PIGL: variants seen among roughly 807,000 people sequenced by gnomAD.
The protein encoded by PIGL is phosphatidylinositol glycan anchor biosynthesis class L.
In PIGL, 22 loss-of-function variants were observed where a neutral mutation model predicts 31.1. The ratio of observed to expected loss-of-function variants is 0.71; its 90% CI spans 0.51 to 1.01. PIGL has a LOEUF of 1.01. Ranked by LOEUF, PIGL falls within the 50% of genes least tolerant of loss-of-function variation. The pLI is 0.00. For missense variants in PIGL, 302 were observed against 315.9 expected, an observed-to-expected ratio of 0.96 and a Z score of 0.33; for synonymous variants, 131 against 117.4, an observed-to-expected ratio of 1.12 and a Z score of -0.75.
intron 2 of PIGL, among the ~76,000 whole-genome samples, chr17:16,271,428 T>TA (rs2092871752): frequency 6.6e-6 from 1 of 152,232 alleles, no homozygotes; most frequent in African/African-American, 2.4e-5. Context: ...AATAGGTACG[T>TA]ACCCTAAATA....
intron 1 of PIGL, among the ~76,000 whole-genome samples, chr17:16,233,030 C>T (rs912558432): frequency 6.6e-6 from 1 of 151,624 alleles, no homozygotes; most frequent in African/African-American, 2.4e-5. Context: ...AGGAGAATCG[C>T]TTGAACTCTG....
intron 6 of PIGL, among the ~76,000 whole-genome samples, chr17:16,321,626 T>C (rs2093106279): frequency 6.6e-6 from 1 of 152,144 alleles, no homozygotes; most frequent in African/African-American, 2.4e-5. Flanking sequence ...TGAGCACATA[T>C]TAATTATCTT....
At chr17:16,292,181 C>T (rs1451956104) in intron 2 of PIGL, among the ~76,000 whole-genome samples, 2 of 151,322 alleles carry the variant, frequency 1.3e-5, no homozygotes, top group African/African-American at 4.9e-5. Flanking sequence ...ATTACAGGCA[C>T]GCACCACCAC....
chr17:16,316,620 C>T (rs986098875), intron 4 of PIGL, 61 bp from the exon 5 acceptor site: 39 of 1,523,026 alleles, frequency 2.6e-5, no homozygotes, highest in Non-Finnish European at 3.4e-5. Context: ...GAAGGCCCCT[C>T]CTGTTACCTA....
intron 2 of PIGL, among the ~76,000 whole-genome samples, chr17:16,265,357 GACTCCTGTGGGTGTTA>G (rs1429718744): frequency 6.6e-6 from 1 of 152,204 alleles, no homozygotes; most frequent in African/African-American, 2.4e-5. Flanking sequence ...TAGGGCTGGA[GACTCCTGTGGGTGTTA>G]ACATGATGAC....
intron 4 of PIGL, 67 bp downstream of exon 4, chr17:16,313,681 G>A (rs1359820695): frequency 1.6e-6 from 2 of 1,252,120 alleles, no homozygotes; most frequent in Non-Finnish European, 2.3e-6. Context: ...ATGGTTTAAA[G>A]TCTAAAGCAC....
chr17:16,321,752 C>G (rs2093106882), intron 6 of PIGL, among the ~76,000 whole-genome samples: 1 of 151,748 alleles, frequency 6.6e-6, no homozygotes, highest in South Asian at 2.1e-4. Context: ...TTCTGTCTGT[C>G]TGTCTGTCTT....
intron 5 of PIGL, 102 bp downstream of exon 5, chr17:16,316,814 C>T: frequency 6.4e-7 from 1 of 1,561,610 alleles, no homozygotes; most frequent in Non-Finnish European, 8.7e-7. Flanking sequence ...CTCAGCCGAG[C>T]AGAGGCAGTG....
chr17:16,303,793 C>G (rs2093015327), intron 3 of PIGL, among the ~76,000 whole-genome samples: 1 of 152,052 alleles, frequency 6.6e-6, no homozygotes, highest in Non-Finnish European at 1.5e-5. Context: ...CAGCTCACTG[C>G]AAACTCTGCC....
In PIGL at chr17:16,217,416, T is replaced by C. The variant is rs780356573; in HGVS notation, c.190T>C (p.Leu64=). 1 of 1,614,210 alleles carries C rather than the reference T, an allele frequency of 6.2e-7. No individual in the cohort carries two copies. Among genetic ancestry groups the C allele is most frequent in the Non-Finnish European group, 8.5e-7 (1 of 1,180,028 alleles). ...GTTTTTTGCTCCCACAGTGCTAGGC[T>C]TGGCCCGCCTAAGGCACTGGGTGTA... ...AMFFAPTVLG[L]ARLRHWVYLL... is the part of the protein sequence containing the mutation. Residue 64 remains leucine (L), a synonymous_variant, in exon 1 of 7, where the codon TTG becomes CTG. Coordinates refer to ENST00000225609, the MANE Select transcript of PIGL (RefSeq NM_004278.4).
chr17:16,319,274 C>A (rs2093092612), intron 6 of PIGL, among the ~76,000 whole-genome samples: 1 of 151,154 alleles, frequency 6.6e-6, no homozygotes, highest in African/African-American at 2.4e-5. Flanking sequence ...AACATTTTCT[C>A]CTATTTCATT....
chr17:16,306,522 C>CTTTT (rs34479966), intron 3 of PIGL, among the ~76,000 whole-genome samples: 15 of 113,672 alleles, frequency 1.3e-4, no homozygotes, highest in Admixed American at 3.1e-4. Flanking sequence ...GTTATACGAT[C>CTTTT]TTTTTTTTTT....
chr17:16,309,948 C>T (rs1234154399), intron 3 of PIGL, among the ~76,000 whole-genome samples: 1 of 151,410 alleles, frequency 6.6e-6, no homozygotes, highest in Non-Finnish European at 1.5e-5. Flanking sequence ...CATGGTGGCA[C>T]GTACCTGTAG....
At chr17:16,269,667 T>A (rs67984044) in intron 2 of PIGL, among the ~76,000 whole-genome samples, 13,249 of 59,666 alleles carry the variant, frequency 0.22, 974 homozygotes, top group African/African-American at 0.36. Context: ...AAAAAAAAAA[T>A]TAGAATTACC....
intron 2 of PIGL, among the ~76,000 whole-genome samples, chr17:16,252,371 C>A (rs568910648): frequency 1.1e-3 from 172 of 152,094 alleles, no homozygotes; most frequent in Non-Finnish European, 2.2e-3. Context: ...CCCACCCGGC[C>A]TCTTTTCCTT....
intron 3 of PIGL, among the ~76,000 whole-genome samples, chr17:16,303,807 C>T (rs2093015398): frequency 2.6e-5 from 4 of 152,078 alleles, no homozygotes; most frequent in Admixed American, 1.3e-4. Context: ...CTCTGCCTCC[C>T]GGGTTCACGC....
chr17:16,256,740 A>C (rs770089148), intron 2 of PIGL, among the ~76,000 whole-genome samples: 2 of 151,552 alleles, frequency 1.3e-5, no homozygotes, highest in Non-Finnish European at 2.9e-5. Context: ...TCACTCTGTC[A>C]CTGGAGTGCA....
chr17:16,316,590 G>A (rs2093078070), intron 4 of PIGL, 91 bp from the exon 5 acceptor site: 1 of 1,287,294 alleles, frequency 7.8e-7, no homozygotes, highest in African/African-American at 1.5e-5. Context: ...GGGGACCATG[G>A]GCATGGCAGC....
chr17:16,322,554 A>C (rs1298503327), intron 6 of PIGL, among the ~76,000 whole-genome samples: 1 of 152,240 alleles, frequency 6.6e-6, no homozygotes, highest in Non-Finnish European at 1.5e-5. Flanking sequence ...ATTTAATTAT[A>C]AGTAATTTAT....
Sources: gnomAD v4.1 joint callset for allele counts (sites outside exome capture counted in the v4.1 genomes callset) on GRCh38, gnomAD v4.1.1 for gene constraint, MANE v1.5 for transcripts, NCBI Gene and HGNC (gene_info 2026-07-23, HGNC 2026-07-21) for gene names.